Variants in SCN3A observed in about 807,000 individuals in gnomAD.
The protein encoded by SCN3A is sodium voltage-gated channel alpha subunit 3.
SCN3A carries 60 observed loss-of-function variants against 187.6 expected under a neutral mutation model. The ratio of observed to expected loss-of-function variants is 0.32; its 90% CI spans 0.26 to 0.40. SCN3A has a LOEUF of 0.40. Ranked by LOEUF, SCN3A falls within the 10% of genes least tolerant of loss-of-function variation. The pLI, the probability that SCN3A is intolerant of heterozygous loss-of-function variation, is 1.00. For synonymous variants in SCN3A, 788 were observed against 829.2 expected (o/e 0.95, Z 0.85); for missense variants, 1,601 against 2,428.2 (o/e 0.66, Z 7.16).
At chr2:165,117,892 C>G (rs1179521780) in intron 18 of SCN3A, among the ~76,000 whole-genome samples, 1 of 152,154 alleles carries the variant, frequency 6.6e-6, no homozygotes, top group Non-Finnish European at 1.5e-5. Flanking sequence ...GTTACCACTG[C>G]TAATATAATT....
At chr2:165,178,762 C>A (rs960859309) in intron 2 of SCN3A, among the ~76,000 whole-genome samples, 2 of 151,832 alleles carry the variant, frequency 1.3e-5, no homozygotes, top group African/African-American at 2.4e-5. Context: ...GTACATGAAT[C>A]GAAAGGTTTG....
chr2:165,176,200 A>G lies in SCN3A; in HGVS notation c.195T>C (p.Tyr65=). 6.2e-7 allele frequency: 1 copy of G among 1,614,134 alleles called. No individual in the cohort carries two copies. Among genetic ancestry groups the G allele is most frequent in the East Asian group, 2.2e-5 (1 of 44,884 alleles). Reference sequence around the variant, plus strand: ...ACACCATCTCTGGAGGAATGTCTCCATAAATAAATGGAAGGTTCTTTCCAG... The same window carrying G: ...ACACCATCTCTGGAGGAATGTCTCCGTAAATAAATGGAAGGTTCTTTCCAG... ...LEAGKNLPFI[Y]GDIPPEMVSE... The change falls in exon 3 of 28, where the codon TAT becomes TAC. Residue 65 remains tyrosine, a synonymous_variant. Transcript: ENST00000283254.
rs1274675406 is a variant in SCN3A at position 165,162,367 on chromosome 2, G to C, written c.972C>G (p.His324Gln). The C allele has an allele frequency of 6.2e-7, 1 of 1,613,030 alleles. No individual in the cohort carries two copies. Among genetic ancestry groups the C allele is most frequent in the South Asian group, 1.1e-5 (1 of 91,012 alleles). The stretch of plus-strand genomic sequence containing the variant: ...CTTTTTGCCCATCCAAAACATAAAA[G>C]TGACCTGTTAATACAAAAAAAAACC... ...NWKDYIGDDS[H>Q]FYVLDGQKDP... is the part of the protein sequence containing the mutation. The change falls in exon 9 of 28, where the codon CAC becomes CAG. Residue 324 changes from histidine to glutamine, a missense_variant. By Grantham distance (24) the His-to-Gln change is conservative (BLOSUM62 0). Around this residue, in one of 11 missense-constraint regions of SCN3A, gnomAD observed 104 missense variants for 102.7 expected, o/e 1.01. Transcript: ENST00000283254.
At chr2:165,110,059 G>C (rs1370048882) in intron 21 of SCN3A, among the ~76,000 whole-genome samples, 1 of 152,070 alleles carries the variant, frequency 6.6e-6, no homozygotes, top group Non-Finnish European at 1.5e-5. Flanking sequence ...CTGGACACTA[G>C]CTGACACACT....
intron 21 of SCN3A, among the ~76,000 whole-genome samples, chr2:165,108,719 G>T (rs1559190109): frequency 6.6e-6 from 1 of 152,054 alleles, no homozygotes; most frequent in African/African-American, 2.4e-5. Context: ...TTCATTGTGT[G>T]GTCAATAGCA....
chr2:165,162,234 T>C, intron 9 of SCN3A, 74 bp downstream of exon 9: 1 of 1,306,486 alleles, frequency 7.7e-7, no homozygotes, highest in Non-Finnish European at 1.1e-6. Flanking sequence ...CATATAACCA[T>C]GTAGTTGTTT....
In SCN3A at chr2:165,093,415, T is replaced by G. The variant is rs149650154; in HGVS notation, c.4537-891A>C. On this transcript the variant is annotated intron_variant, in intron 26 of 27. Transcript: ENST00000283254. ...TGTGCTTTAACAAAAATGCATGACT[T>G]TAAACACTTTTTTTCTTTGTCTTAT... The G allele has an allele frequency of 3.9e-5, 6 of 152,322 alleles. No individual in the cohort carries two copies. The East Asian group carries it at 9.6e-4, about 24-fold the overall frequency. The allele number at this position is 152,322 out of a possible 1,614,324, so 9.4% of individuals were successfully genotyped here.
At chr2:165,110,249 C>T (rs764595875) in intron 21 of SCN3A, among the ~76,000 whole-genome samples, 1 of 152,150 alleles carries the variant, frequency 6.6e-6, no homozygotes, top group African/African-American at 2.4e-5. Context: ...CTGTTTTGTT[C>T]ATTTCTCCTT....
In SCN3A at chr2:165,155,779, C is replaced by T. The variant is rs1216857148; in HGVS notation, c.1156G>A (p.Glu386Lys). ...GACCTTACCAACTGGTAAAGATTTT[C>T]CCAGTAGTCTTGAGTCATGAGTCGA... The part of the protein sequence containing the change: ...LFRLMTQDYW[E>K]NLYQLTLRAA... Residue 386 changes from glutamate (E) to lysine (K), a missense_variant, in exon 10 of 28, where the codon GAA (glutamate) becomes AAA (lysine). Glu to Lys is a moderately conservative substitution (Grantham distance 56). Transcript: ENST00000283254. 6.2e-7 allele frequency: 1 copy of T among 1,613,998 alleles called. No homozygotes were observed. The highest frequency in any genetic ancestry group is 8.5e-7 in the Non-Finnish European group (1 of 1,179,972).
intron 3 of SCN3A, among the ~76,000 whole-genome samples, chr2:165,172,543 C>CACA (rs1274066149): frequency 1.3e-5 from 2 of 152,112 alleles, no homozygotes; most frequent in African/African-American, 4.8e-5. Context: ...CATTCAGCAA[C>CACA]ACAACAGCAT....
chr2:165,096,869 A>G (rs1244736907), intron 23 of SCN3A, among the ~76,000 whole-genome samples: 1 of 152,188 alleles, frequency 6.6e-6, no homozygotes, highest in Non-Finnish European at 1.5e-5. Context: ...AGACATTGTT[A>G]TAATAAATTA....
intron 1 of SCN3A, among the ~76,000 whole-genome samples, chr2:165,198,158 A>C (rs926888337): frequency 6.6e-6 from 1 of 151,980 alleles, no homozygotes; most frequent in Admixed American, 6.6e-5. Context: ...ACAAGATATC[A>C]CTAGCAACAG....
chr2:165,160,655 T>G lies in SCN3A; in HGVS notation c.1031+1653A>C, dbSNP rs185634608. Among the ~76,000 whole-genome samples the G allele has an allele frequency of 1.8e-3, 276 of 152,208 alleles. No individual in the cohort carries two copies. The East Asian group carries it at 0.023, about 13-fold the overall frequency. On this transcript the variant is annotated intron_variant, in intron 9 of 27. Transcript: ENST00000283254. Reference sequence around the variant, plus strand: ...TTTTAAATTTATTAAAAAAATTTTTTGGGGGGACAGGGTCTCGCTTTGTCA... The same window carrying G: ...TTTTAAATTTATTAAAAAAATTTTTGGGGGGGACAGGGTCTCGCTTTGTCA...
intron 1 of SCN3A, chr2:165,194,916 A>G (rs1691851784): frequency 6.6e-6 from 1 of 152,010 alleles, no homozygotes; most frequent in African/African-American, 2.4e-5. Flanking sequence ...CATCATTGGC[A>G]CCAAAATAGA....
chr2:165,113,764 GA>G, intron 20 of SCN3A, 51 bp downstream of exon 20: 1 of 1,577,464 alleles, frequency 6.3e-7, no homozygotes, highest in South Asian at 1.1e-5. Flanking sequence ...TAATTTTGGA[GA>G]ATAAACTATT....
intron 11 of SCN3A, among the ~76,000 whole-genome samples, chr2:165,151,060 G>T (rs1057297374): frequency 1.3e-5 from 2 of 152,082 alleles, no homozygotes; most frequent in Admixed American, 6.6e-5. Flanking sequence ...CACCAAATTT[G>T]TTTATAGTTT....
chr2:165,185,197 G>A (rs890104324), intron 2 of SCN3A, among the ~76,000 whole-genome samples: 1 of 152,164 alleles, frequency 6.6e-6, no homozygotes, highest in African/African-American at 2.4e-5. Flanking sequence ...AGCTTGAAGA[G>A]ACAACTGCTA....
Position 165,095,579 on chromosome 2 carries a change from CAAAGATGAT to C in SCN3A, c.4354_4362del (p.Ile1452_Phe1454del). 1 of 1,592,730 alleles carries C rather than the reference CAAAGATGAT, an allele frequency of 6.3e-7. No individual in the cohort carries two copies. Among genetic ancestry groups the C allele is most frequent in the Non-Finnish European group, 8.6e-7 (1 of 1,160,986 alleles). On this transcript the variant is annotated inframe_deletion, in exon 25 of 28. Transcript: ENST00000283254. ...AATAGATTCAGAGTGAAGAATGACCCAAAGATGATAAAGATGACAAAGTATAAATACATG... is the reference window on the plus strand; with the variant it reads ...AATAGATTCAGAGTGAAGAATGACCCAAAGATGACAAAGTATAAATACATG...
intron 1 of SCN3A, among the ~76,000 whole-genome samples, chr2:165,191,883 TA>T (rs548759779): frequency 9.7e-4 from 147 of 152,260 alleles, no homozygotes; most frequent in Non-Finnish European, 1.8e-3. Flanking sequence ...AATACTTTTT[TA>T]AATCAATGAA....
Sources: gnomAD v4.1 joint callset for allele counts (sites outside exome capture counted in the v4.1 genomes callset) on GRCh38, gnomAD v4.1.1 for gene constraint, gnomAD v4.1.1 regional missense constraint, MANE v1.5 for transcripts, NCBI Gene and HGNC (gene_info 2026-07-23, HGNC 2026-07-21) for gene names.